ARHGEF26: variants seen among roughly 807,000 people sequenced by gnomAD.
The protein encoded by ARHGEF26 is Rho guanine nucleotide exchange factor 26.
Under a neutral mutation model 89.4 loss-of-function variants are expected in ARHGEF26, and 59 were observed. That is an observed-to-expected ratio of 0.66 (90% CI 0.54 to 0.82). ARHGEF26 has a LOEUF of 0.82. Ranked by LOEUF, ARHGEF26 falls within the 40% of genes least tolerant of loss-of-function variation. The pLI, the probability that ARHGEF26 is intolerant of heterozygous loss-of-function variation, is 0.00. For missense variants in ARHGEF26, 1,234 were observed against 1,085.6 expected, an observed-to-expected ratio of 1.14 and a Z score of -1.92; for synonymous variants, 500 against 428.4, an observed-to-expected ratio of 1.17 and a Z score of -2.06.
In ARHGEF26 at chr3:154,257,326, G is replaced by C. The variant is rs1559934872; in HGVS notation, c.*1853G>C. ...CACAGTGAAAGATGTGTTGGGGTTT[G>C]CAAAACAAGCATTCCGTCACCTCTT... On this transcript the variant is annotated 3_prime_UTR_variant, in exon 15 of 15. Transcript: ENST00000465093. The C allele has an allele frequency of 6.2e-6, 1 of 161,150 alleles. No individual in the cohort carries two copies. Among genetic ancestry groups the C allele is most frequent in the Admixed American group, 6.4e-5 (1 of 15,542 alleles). The allele number at this position is 161,150 out of a possible 1,614,324, so 10.0% of individuals were successfully genotyped here. A position where few individuals can be genotyped will look rare whatever the true frequency, so the allele number is the denominator to read the frequency against.
In ARHGEF26 at chr3:154,142,695, T is replaced by C. The variant is rs556319581; in HGVS notation, c.1270-6694T>C. 3.7e-4 allele frequency among the ~76,000 whole-genome samples: 57 copies of C among 152,346 alleles called. 2 individuals carry two copies. In the South Asian group the frequency reaches 8.1e-3, roughly 22 times the overall value. On this transcript the variant is annotated intron_variant, in intron 4 of 14. Transcript: ENST00000465093. ...GCAACTAATATATTGGCATCACCTT[T>C]AGAAATAGGTGTTCTTTTCTTCCGC...
At chr3:154,207,425 A>C (rs890161925) in intron 9 of ARHGEF26, among the ~76,000 whole-genome samples, 2 of 152,198 alleles carry the variant, frequency 1.3e-5, no homozygotes, top group Non-Finnish European at 2.9e-5. Flanking sequence ...TAACTCTTTT[A>C]AAAAGCGGGC....
Position 154,256,561 on chromosome 3 carries a change from A to C in ARHGEF26, c.*1088A>C, listed in dbSNP as rs1400947425. ...TTTCTAATTAATTAAAAAAAAAAAAAAAAAAAAAAAAAAACCTTCCCAAAT... is the reference window on the plus strand; with the variant it reads ...TTTCTAATTAATTAAAAAAAAAAAACAAAAAAAAAAAAAACCTTCCCAAAT... On this transcript the variant is annotated 3_prime_UTR_variant, in exon 15 of 15. Transcript: ENST00000465093. 1.6e-5 allele frequency: 16 copies of C among 995,662 alleles called. No homozygotes were observed. The highest frequency in any genetic ancestry group is 9.6e-5 in the South Asian group (2 of 20,906). 61.7% of individuals were successfully genotyped at this position (995,662 alleles called of 1,614,324 possible). A position where few individuals can be genotyped will look rare whatever the true frequency, so the allele number is the denominator to read the frequency against.
chr3:154,155,385 C>T (rs981076697), intron 6 of ARHGEF26, among the ~76,000 whole-genome samples: 3 of 151,906 alleles, frequency 2.0e-5, no homozygotes, highest in African/African-American at 4.8e-5. Flanking sequence ...GCAATGTTAA[C>T]ATGTAAGATT....
At chr3:154,205,940 T>C (rs1714991637) in intron 9 of ARHGEF26, among the ~76,000 whole-genome samples, 1 of 152,120 alleles carries the variant, frequency 6.6e-6, no homozygotes, top group Admixed American at 6.6e-5. Context: ...TACAGTGTTA[T>C]AATATTCTGT....
At chr3:154,222,893 G>A (rs1716223903) in intron 10 of ARHGEF26, among the ~76,000 whole-genome samples, 1 of 152,138 alleles carries the variant, frequency 6.6e-6, no homozygotes, top group Admixed American at 6.6e-5. Context: ...AAAACAGGGT[G>A]TTGAAGACAG....
intron 6 of ARHGEF26, among the ~76,000 whole-genome samples, chr3:154,186,639 G>A (rs1432192828): frequency 1.3e-5 from 2 of 151,758 alleles, no homozygotes; most frequent in Non-Finnish European, 2.9e-5. Flanking sequence ...GCACATGCCT[G>A]TAATCCCAGC....
intron 4 of ARHGEF26, among the ~76,000 whole-genome samples, chr3:154,142,183 G>A (rs1199148176): frequency 6.6e-6 from 1 of 151,978 alleles, no homozygotes; most frequent in South Asian, 2.1e-4. Flanking sequence ...GAAAATAAAA[G>A]TAATGAAGGT....
In ARHGEF26 at chr3:154,162,329, T is replaced by TAAGTTTCA. The variant is rs375632058; in HGVS notation, c.1487+9400_1487+9407dup. 3.4e-3 allele frequency among the ~76,000 whole-genome samples: 521 copies of TAAGTTTCA among 152,308 alleles called. 2 individuals carry two copies. The highest frequency in any genetic ancestry group is 0.012 in the African/African-American group (492 of 41,570). On this transcript the variant is annotated intron_variant, in intron 6 of 14. Transcript: ENST00000465093. ...AGTGGAAGGGAGATGGTTGATGAAT[T>TAAGTTTCA]AAGTTTCAAAAGCAGACTTTTTAAA...
At chr3:154,121,836 C>T in intron 1 of ARHGEF26, 106 bp from the exon 2 acceptor site, 3 of 1,023,104 alleles carry the variant, frequency 2.9e-6, no homozygotes, top group Non-Finnish European at 1.4e-6. Flanking sequence ...GCGGTGCAGT[C>T]GTGTCCTGCG....
chr3:154,192,503 A>G (rs1319598098), intron 8 of ARHGEF26, among the ~76,000 whole-genome samples: 1 of 152,242 alleles, frequency 6.6e-6, no homozygotes, highest in East Asian at 1.9e-4. Flanking sequence ...ACTTCGATCT[A>G]CTGCCTTTAC....
chr3:154,132,703 A>G (rs1311468227), intron 4 of ARHGEF26, among the ~76,000 whole-genome samples: 1 of 152,056 alleles, frequency 6.6e-6, no homozygotes, highest in Non-Finnish European at 1.5e-5. Flanking sequence ...TTTAATATAT[A>G]TATTCAGCTT....
chr3:154,204,146 C>T (rs1341701017), intron 9 of ARHGEF26, among the ~76,000 whole-genome samples: 1 of 151,902 alleles, frequency 6.6e-6, no homozygotes, highest in Non-Finnish European at 1.5e-5. Flanking sequence ...TACTGGGAGA[C>T]TTGTTATTAC....
rs775740908 is a variant in ARHGEF26 at position 154,122,410 on chromosome 3, C to T, written c.418C>T (p.Pro140Ser). 2 of 1,610,300 alleles carry T rather than the reference C, an allele frequency of 1.2e-6. No individual in the cohort carries two copies. Among genetic ancestry groups the T allele is most frequent in the South Asian group, 2.2e-5 (2 of 90,950 alleles). ...NGAVTLPAPP[P>S]PPVLRPPRTP... ...CGCGGTGACCTTGCCTGCGCCGCCG[C>T]CGCCGCCGGTTCTGCGCCCCCCGCG... Residue 140 changes from proline to serine, a missense_variant, in exon 2 of 15, where the codon CCG becomes TCG. Pro to Ser is a moderately conservative substitution (Grantham distance 74). Coordinates refer to ENST00000465093, the MANE Select transcript of ARHGEF26 (RefSeq NM_015595.4).
At position 154,140,741 on chromosome 3, in the gene ARHGEF26, C is replaced by T. The variant is rs368859560; in HGVS notation, c.1270-8648C>T. Among the ~76,000 whole-genome samples, 14 of 151,892 alleles carry T rather than the reference C, an allele frequency of 9.2e-5. No individual in the cohort carries two copies. In the East Asian group the frequency reaches 1.6e-3, roughly 17 times the overall value. On this transcript the variant is annotated intron_variant, in intron 4 of 14. Transcript: ENST00000465093. ...GATTACAGGCACACGCCACCACGCC[C>T]GGCTAATTTTTGTATTTTTAATAGA...
chr3:154,162,748 CACTT>C (rs917415794), intron 6 of ARHGEF26, among the ~76,000 whole-genome samples: 1 of 152,078 alleles, frequency 6.6e-6, no homozygotes, highest in Non-Finnish European at 1.5e-5. Flanking sequence ...CCAGGGTTGA[CACTT>C]ACCTCGCCCC....
chr3:154,124,766 A>T (rs1482132822), intron 3 of ARHGEF26, among the ~76,000 whole-genome samples: 2 of 152,192 alleles, frequency 1.3e-5, no homozygotes, highest in Non-Finnish European at 2.9e-5. Flanking sequence ...TTAGTTAAAA[A>T]TTCTGATTTT....
intron 4 of ARHGEF26, among the ~76,000 whole-genome samples, chr3:154,148,452 T>C (rs908664720): frequency 6.6e-6 from 1 of 152,250 alleles, no homozygotes; most frequent in African/African-American, 2.4e-5. Context: ...GCAAGTACTT[T>C]AGTTGTGGGT....
rs565383588 is a variant in ARHGEF26 at position 154,196,652 on chromosome 3, T to A, written c.1845+1934T>A. 5.3e-5 allele frequency among the ~76,000 whole-genome samples: 8 copies of A among 152,288 alleles called. No homozygotes were observed. The South Asian group carries it at 1.7e-3, about 32-fold the overall frequency. ...ATTCATCTCTTCATCCCATCAGTGG[T>A]CTGCACACCTATTTTGGGAACAGTA... On this transcript the variant is annotated intron_variant, in intron 9 of 14. Coordinates refer to ENST00000465093, the MANE Select transcript of ARHGEF26 (RefSeq NM_015595.4).
Sources: gnomAD v4.1 joint callset for allele counts (sites outside exome capture counted in the v4.1 genomes callset) on GRCh38, gnomAD v4.1.1 for gene constraint, MANE v1.5 for transcripts, NCBI Gene and HGNC (gene_info 2026-07-23, HGNC 2026-07-21) for gene names.